The following ARHGAP24 variants were observed in gnomAD, a reference collection of about 807,000 sequenced individuals.
The protein encoded by ARHGAP24 is rho GTPase-activating protein 24.
A neutral mutation model predicts 76.4 loss-of-function variants in ARHGAP24; 50 were observed. The ratio of observed to expected loss-of-function variants is 0.65; its 90% CI spans 0.52 to 0.83. The LOEUF (loss-of-function observed/expected upper bound fraction) is 0.83. Among genes scored for constraint, ARHGAP24 ranks in the 40% least tolerant of loss-of-function variants. The probability of loss-of-function intolerance (pLI) is 0.00; values close to 1 mark genes in which losing one functional copy is unlikely to be tolerated. For synonymous variants in ARHGAP24, 345 were observed against 323.3 expected (o/e 1.07, Z -0.72); for missense variants, 930 against 914.2 (o/e 1.02, Z -0.22).
chr4:85,905,807 A>C (rs1010110383), intron 3 of ARHGAP24, among the ~76,000 whole-genome samples: 2 of 152,078 alleles, frequency 1.3e-5, no homozygotes, highest in Admixed American at 6.6e-5. Flanking sequence ...GATGCAAGGC[A>C]AAAAAAACTT....
chr4:85,815,231 A>AT (rs57089864), intron 3 of ARHGAP24, among the ~76,000 whole-genome samples: 3 of 151,880 alleles, frequency 2.0e-5, no homozygotes, highest in South Asian at 2.1e-4. Context: ...CATTTTCCCC[A>AT]TTTTTTTTGG....
At chr4:85,729,566 CTCA>C (rs1725313882) in intron 3 of ARHGAP24, among the ~76,000 whole-genome samples, 1 of 152,090 alleles carries the variant, frequency 6.6e-6, no homozygotes, top group Non-Finnish European at 1.5e-5. Context: ...TGAGTGTCCT[CTCA>C]CAGTGTTGGT....
At chr4:85,595,305 A>G (rs952430577) in intron 2 of ARHGAP24, among the ~76,000 whole-genome samples, 1 of 152,130 alleles carries the variant, frequency 6.6e-6, no homozygotes, top group Non-Finnish European at 1.5e-5. Context: ...GACCAAGGGT[A>G]CATTCTGTTT....
rs10030914 is a variant in ARHGAP24 at position 85,553,032 on chromosome 4, G to A, written c.-20-17490G>A. Among the ~76,000 whole-genome samples the A allele has an allele frequency of 3.3e-3, 501 of 152,110 alleles. 1 individual carries two copies. The highest frequency in any genetic ancestry group is 0.011 in the African/African-American group (440 of 41,500). ...TGTCCAGAGTTGCTCATTCCTCCCG[G>A]TGGATTTGTTGTCTCACTAGCTTCA... On this transcript the variant is annotated intron_variant, in intron 1 of 9. Coordinates refer to ENST00000395184, the MANE Select transcript of ARHGAP24 (RefSeq NM_001025616.3).
intron 2 of ARHGAP24, 180 bp downstream of exon 2, chr4:85,570,901 G>A: frequency 1.6e-6 from 1 of 631,620 alleles, no homozygotes. Context: ...ATCGCTAATT[G>A]AGGCCAAGAG....
intron 3 of ARHGAP24, among the ~76,000 whole-genome samples, chr4:85,797,572 G>T (rs1728415509): frequency 6.6e-6 from 1 of 152,222 alleles, no homozygotes; most frequent in Admixed American, 6.5e-5. Context: ...TTCAAATGAT[G>T]TTAGCAGGAT....
chr4:85,538,943 C>A (rs1460734513), intron 1 of ARHGAP24, among the ~76,000 whole-genome samples: 1 of 152,066 alleles, frequency 6.6e-6, no homozygotes, highest in Admixed American at 6.5e-5. Flanking sequence ...ACATTTGGGT[C>A]CTGATGGATT....
intron 2 of ARHGAP24, among the ~76,000 whole-genome samples, chr4:85,594,503 G>A (rs930192842): frequency 2.6e-5 from 4 of 151,936 alleles, no homozygotes; most frequent in African/African-American, 9.7e-5. Context: ...TCACAACATA[G>A]CATTCTATTT....
At chr4:85,800,054 A>G (rs1206034060) in intron 3 of ARHGAP24, among the ~76,000 whole-genome samples, 5 of 152,230 alleles carry the variant, frequency 3.3e-5, no homozygotes, top group African/African-American at 1.2e-4. Context: ...ATCCAGGAAC[A>G]TGACAAGTAA....
Position 85,733,060 on chromosome 4 carries a change from CT to C in ARHGAP24, c.268+11109del, listed in dbSNP as rs1210109366. 1.4e-3 allele frequency among the ~76,000 whole-genome samples: 77 copies of C among 55,210 alleles called. 3 individuals are homozygous for C. Among genetic ancestry groups the C allele is most frequent in the South Asian group, 6.9e-3 (6 of 868 alleles). 36.2% of individuals were successfully genotyped at this position (55,210 alleles called of 152,430 possible). On this transcript the variant is annotated intron_variant, in intron 3 of 9. Coordinates refer to ENST00000395184, the MANE Select transcript of ARHGAP24 (RefSeq NM_001025616.3). ...CTATAGATCTTATAGGCCTCACCAA[CT>C]TTTTTTTTTTTTTTTTTTTTGAGAT...
chr4:85,969,142 T>G (rs1738808446), intron 5 of ARHGAP24, among the ~76,000 whole-genome samples: 1 of 152,142 alleles, frequency 6.6e-6, no homozygotes, highest in Non-Finnish European at 1.5e-5. Flanking sequence ...TCACAATTTT[T>G]ACACCATCCC....
chr4:85,830,208 C>T (rs1729921419), intron 3 of ARHGAP24, among the ~76,000 whole-genome samples: 1 of 152,178 alleles, frequency 6.6e-6, no homozygotes, highest in Admixed American at 6.5e-5. Context: ...ATTTGCTGAA[C>T]CTTCTTTCTT....
intron 2 of ARHGAP24, among the ~76,000 whole-genome samples, chr4:85,591,122 G>T (rs1728089391): frequency 8.0e-6 from 1 of 124,678 alleles, no homozygotes; most frequent in Non-Finnish European, 1.6e-5. Context: ...TCAACTCACT[G>T]CCACCTCTGC....
chr4:85,870,720 A>C (rs1245070616), intron 3 of ARHGAP24, among the ~76,000 whole-genome samples: 1 of 152,140 alleles, frequency 6.6e-6, no homozygotes, highest in Non-Finnish European at 1.5e-5. Context: ...CTACTGCTGT[A>C]TAATAATATT....
chr4:85,620,764 C>A (rs925878608), intron 2 of ARHGAP24, among the ~76,000 whole-genome samples: 1 of 151,576 alleles, frequency 6.6e-6, no homozygotes, highest in Non-Finnish European at 1.5e-5. Flanking sequence ...GATGTTTCTT[C>A]TTTTTTATTT....
At chr4:85,631,660 A>G (rs1010942669) in intron 2 of ARHGAP24, among the ~76,000 whole-genome samples, 1 of 152,090 alleles carries the variant, frequency 6.6e-6, no homozygotes, top group Non-Finnish European at 1.5e-5. Context: ...TTCTCATGTG[A>G]CAAAATTATT....
At chr4:85,769,228 GT>G (rs1272806276) in intron 3 of ARHGAP24, among the ~76,000 whole-genome samples, 2 of 152,158 alleles carry the variant, frequency 1.3e-5, no homozygotes, top group Non-Finnish European at 2.9e-5. Flanking sequence ...TGAGATTAGG[GT>G]CATTGGTGTG....
chr4:85,942,435 T>A, intron 5 of ARHGAP24, 162 bp downstream of exon 5: 2 of 823,626 alleles, frequency 2.4e-6, no homozygotes, highest in Admixed American at 2.4e-5. Flanking sequence ...AGTTACAAAG[T>A]CAAAAATTGG....
rs145307273 is a variant in ARHGAP24 at position 86,000,752 on chromosome 4, T to C, written c.*30T>C. 2 of 1,613,130 alleles carry C rather than the reference T, an allele frequency of 1.2e-6. No homozygotes were observed. Among genetic ancestry groups the C allele is most frequent in the African/African-American group, 1.3e-5 (1 of 75,024 alleles). On this transcript the variant is annotated 3_prime_UTR_variant, in exon 10 of 10. Coordinates refer to ENST00000395184, the MANE Select transcript of ARHGAP24 (RefSeq NM_001025616.3). ...GCTTTCGCCTGCTGTCTCTGATGGC[T>C]CTGGCAAGGACTCCAGGGATTCTGG... is the stretch of plus-strand genomic sequence containing the variant.
Sources: gnomAD v4.1 joint callset for allele counts (sites outside exome capture counted in the v4.1 genomes callset) on GRCh38, gnomAD v4.1.1 for gene constraint, MANE v1.5 for transcripts, NCBI Gene and HGNC (gene_info 2026-07-23, HGNC 2026-07-21) for gene names.